PTPRN2: variants seen among roughly 807,000 people sequenced by gnomAD.
PTPRN2 encodes the protein receptor-type tyrosine-protein phosphatase N2.
PTPRN2 carries 74 observed loss-of-function variants against 118.8 expected under a neutral mutation model. That is an observed-to-expected ratio of 0.62 (90% CI 0.52 to 0.76). The LOEUF (loss-of-function observed/expected upper bound fraction) is 0.76, where lower values mean the gene tolerates loss of function less well. PTPRN2 is among the 30% of genes least tolerant of loss of function. The pLI, the probability that PTPRN2 is intolerant of heterozygous loss-of-function variation, is 0.00. For synonymous variants in PTPRN2, 641 were observed against 608.0 expected (o/e 1.05, Z -0.80); for missense variants, 1,481 against 1,394.4 (o/e 1.06, Z -0.99).
intron 1 of PTPRN2, chr7:158,539,839 T>G: frequency 4.7e-6 from 1 of 214,838 alleles, no homozygotes. Flanking sequence ...GCTGGAGACA[T>G]ACTGTGAGCC....
At position 157,764,277 on chromosome 7, in the gene PTPRN2, G is replaced by A. The variant is rs1027948671; in HGVS notation, c.1789-81340C>T. 3.3e-5 allele frequency among the ~76,000 whole-genome samples: 5 copies of A among 152,136 alleles called. No homozygotes were observed. Among genetic ancestry groups the A allele is most frequent in the African/African-American group, 4.8e-5 (2 of 41,416 alleles). ...CAGTGACTCAGAGAGAGATTCGCAC[G>A]CCCATGTTCATAGCAGCAGCGCTCA... On this transcript the variant is annotated intron_variant, in intron 12 of 22. Transcript: ENST00000389418. This position sits in a 1 kb window ranked among gnomAD's most constrained non-coding sequence, Gnocchi z 4.5.
Position 158,150,759 on chromosome 7 carries a change from C to T in PTPRN2, c.911-12244G>A, listed in dbSNP as rs138148318. ...CTCTCTTCTTTCCTGGTCTGTGAGACGCTGCGTATCTGCAGCACCGCGACC... is the reference window on the plus strand; with the variant it reads ...CTCTCTTCTTTCCTGGTCTGTGAGATGCTGCGTATCTGCAGCACCGCGACC... On this transcript the variant is annotated intron_variant, in intron 6 of 22. Coordinates refer to ENST00000389418, the MANE Select transcript of PTPRN2 (RefSeq NM_002847.5). Among the ~76,000 whole-genome samples the T allele has an allele frequency of 1.4e-3, 219 of 152,014 alleles. 3 individuals are homozygous for T. The highest frequency in any genetic ancestry group is 4.6e-3 in the African/African-American group (191 of 41,422).
At chr7:157,930,289 G>T (rs1005627952) in intron 11 of PTPRN2, among the ~76,000 whole-genome samples, 1 of 152,158 alleles carries the variant, frequency 6.6e-6, no homozygotes, top group Non-Finnish European at 1.5e-5. Flanking sequence ...TTAAGTGATG[G>T]CAATGAAAGT....
At chr7:158,271,025 ACGGCCCCCT>A (rs1798454214) in intron 3 of PTPRN2, among the ~76,000 whole-genome samples, 1 of 96,920 alleles carries the variant, frequency 1.0e-5, no homozygotes, top group Non-Finnish European at 2.0e-5. Context: ...CTCCACCTGG[ACGGCCCCCT>A]CCACCTGGGC....
chr7:157,679,819 C>T (rs951175846), intron 13 of PTPRN2, among the ~76,000 whole-genome samples: 14 of 152,108 alleles, frequency 9.2e-5, no homozygotes, highest in African/African-American at 3.4e-4. Context: ...CCAGGTCACG[C>T]GGGAAGTGCC....
At chr7:157,879,065 C>T (rs1795962717) in intron 12 of PTPRN2, among the ~76,000 whole-genome samples, 1 of 139,070 alleles carries the variant, frequency 7.2e-6, no homozygotes, top group Non-Finnish European at 1.5e-5. Context: ...GGAGCTCTCT[C>T]AGATTCCATG....
intron 6 of PTPRN2, among the ~76,000 whole-genome samples, chr7:158,149,700 A>C (rs12533965): frequency 0.15 from 23,406 of 151,908 alleles, 2,237 homozygotes; most frequent in East Asian, 0.37. Flanking sequence ...GCTACTCAGG[A>C]GGCTAAGGCA....
chr7:157,670,889 T>C (rs1159393844), intron 13 of PTPRN2, among the ~76,000 whole-genome samples: 1 of 152,086 alleles, frequency 6.6e-6, no homozygotes, highest in African/African-American at 2.4e-5. Flanking sequence ...AGGCCTGACG[T>C]GGAAGTAGAG....
rs1158622541 is a variant in PTPRN2 at position 158,500,921 on chromosome 7, C to T, written c.113-11136G>A. Among the ~76,000 whole-genome samples the T allele has an allele frequency of 2.0e-5, 3 of 152,242 alleles. No homozygotes were observed. The East Asian group carries it at 5.8e-4, about 29-fold the overall frequency. ...AAGGCCGGTGCTGCTGGGCCGCGCTCCTCACGCGGCGGGTCAGGCAAGCGG... is the reference window on the plus strand; with the variant it reads ...AAGGCCGGTGCTGCTGGGCCGCGCTTCTCACGCGGCGGGTCAGGCAAGCGG... On this transcript the variant is annotated intron_variant, in intron 1 of 22. Coordinates refer to ENST00000389418, the MANE Select transcript of PTPRN2 (RefSeq NM_002847.5).
chr7:157,938,886 A>G (rs556055451), intron 11 of PTPRN2, among the ~76,000 whole-genome samples: 9 of 152,330 alleles, frequency 5.9e-5, no homozygotes, highest in African/African-American at 2.2e-4. Flanking sequence ...TGCCGGTGTC[A>G]AGATGCTCAT....
intron 12 of PTPRN2, among the ~76,000 whole-genome samples, chr7:157,709,788 A>G (rs1798510494): frequency 6.6e-6 from 1 of 152,178 alleles, no homozygotes; most frequent in Non-Finnish European, 1.5e-5. Flanking sequence ...TGGCTGGGAC[A>G]GAGATTTACA....
At chr7:157,916,545 A>G (rs960798393) in intron 11 of PTPRN2, among the ~76,000 whole-genome samples, 2 of 152,256 alleles carry the variant, frequency 1.3e-5, no homozygotes, top group Non-Finnish European at 2.9e-5. Context: ...GAGAAGCACC[A>G]AGACGCATCA....
At chr7:158,182,479 C>G (rs191471839) in intron 5 of PTPRN2, among the ~76,000 whole-genome samples, 3 of 152,246 alleles carry the variant, frequency 2.0e-5, no homozygotes, top group Non-Finnish European at 2.9e-5. Flanking sequence ...CACTCTCCCC[C>G]CAACCCTCAG....
At chr7:158,239,425 C>G (rs1448235955) in intron 3 of PTPRN2, among the ~76,000 whole-genome samples, 2 of 152,198 alleles carry the variant, frequency 1.3e-5, no homozygotes, top group South Asian at 2.1e-4. Context: ...CAAGCCAACG[C>G]TCCGTAGCGC....
chr7:157,542,361 C>T (rs987797457), intron 22 of PTPRN2, among the ~76,000 whole-genome samples: 2 of 151,956 alleles, frequency 1.3e-5, no homozygotes, highest in Admixed American at 6.5e-5. Context: ...TTTTGGGAAG[C>T]GAAATGCAAG....
chr7:158,191,603 C>T (rs957114390), intron 5 of PTPRN2, among the ~76,000 whole-genome samples: 1 of 152,198 alleles, frequency 6.6e-6, no homozygotes, highest in Non-Finnish European at 1.5e-5. Context: ...GCCTGCTTTT[C>T]CATTTACAAA....
At chr7:158,123,637 G>T (rs1433727860) in intron 9 of PTPRN2, among the ~76,000 whole-genome samples, 3 of 152,204 alleles carry the variant, frequency 2.0e-5, no homozygotes, top group Non-Finnish European at 4.4e-5. Flanking sequence ...ACTCTTCCAG[G>T]CAGAAAATCA....
At chr7:158,126,883 C>G (rs1479262493) in intron 9 of PTPRN2, among the ~76,000 whole-genome samples, 2 of 152,218 alleles carry the variant, frequency 1.3e-5, no homozygotes, top group East Asian at 3.9e-4. Flanking sequence ...GTTCCTCTCC[C>G]TGGCCGGCGG....
chr7:158,149,059 A>ACACCACG (rs1432696100), intron 6 of PTPRN2, among the ~76,000 whole-genome samples: 5 of 124,398 alleles, frequency 4.0e-5, no homozygotes, highest in East Asian at 2.4e-4. Flanking sequence ...ACCCCATCTC[A>ACACCACG]TGCCACGTGT....
Sources: allele counts gnomAD v4.1 joint callset (sites outside exome capture counted in the v4.1 genomes callset), GRCh38; gene constraint gnomAD v4.1.1; non-coding constraint Gnocchi (gnomAD v3.1); transcripts MANE v1.5; gene names NCBI Gene and HGNC (gene_info 2026-07-23, HGNC 2026-07-21).